Variants in KIF1C observed in about 807,000 individuals in gnomAD.
The protein encoded by KIF1C is kinesin-like protein KIF1C.
Under a neutral mutation model 126.5 loss-of-function variants are expected in KIF1C, and 61 were observed. That is an observed-to-expected ratio of 0.48 (90% confidence interval 0.39 to 0.60). The LOEUF (loss-of-function observed/expected upper bound fraction) is 0.60, where lower values mean the gene tolerates loss of function less well. Ranked by LOEUF, KIF1C falls within the 20% of genes least tolerant of loss-of-function variation. KIF1C has a pLI of 0.00. For synonymous variants in KIF1C, 640 were observed against 580.6 expected (o/e 1.10, Z -1.47); for missense variants, 1,315 against 1,489.2 (o/e 0.88, Z 1.93).
chr17:5,002,754 A>C lies in KIF1C; in HGVS notation c.632A>C (p.Asn211Thr). The C allele has an allele frequency of 1.2e-6, 2 of 1,614,010 alleles. No individual in the cohort carries two copies. The highest frequency in any genetic ancestry group is 1.7e-6 in the Non-Finnish European group (2 of 1,179,986). The stretch of plus-strand genomic sequence containing the variant: ...AGGACTGTGGCTGCCACCAACATGA[A>C]TGAGACCAGCAGCCGTTCCCATGCC... ...KARTVAATNM[N>T]ETSSRSHAVF... Residue 211 changes from asparagine (N) to threonine (T), a missense_variant, in exon 8 of 23, where the codon AAT becomes ACT. This residue lies in a region of KIF1C where 874 missense variants were observed against 1,053.2 expected (regional missense o/e 0.83). Coordinates refer to ENST00000320785, the MANE Select transcript of KIF1C (RefSeq NM_006612.6).
intron 13 of KIF1C, among the ~76,000 whole-genome samples, chr17:5,006,159 A>T (rs909627007): frequency 6.0e-5 from 9 of 149,468 alleles, no homozygotes; most frequent in African/African-American, 2.2e-4. Context: ...GTGAGCCAAG[A>T]TGGAGCCATT....
At chr17:5,012,042 C>T (rs964708325) in intron 16 of KIF1C, 1 of 152,210 alleles carries the variant, frequency 6.6e-6, no homozygotes, top group Non-Finnish European at 1.5e-5. Flanking sequence ...AATGAATAAA[C>T]GAACTTAAAC....
At chr17:5,012,838 C>T (rs1974895572) in intron 16 of KIF1C, among the ~76,000 whole-genome samples, 2 of 152,102 alleles carry the variant, frequency 1.3e-5, no homozygotes, top group South Asian at 4.1e-4. Flanking sequence ...CCAGCAAGGG[C>T]AGGGCTGTTA....
chr17:5,007,798 G>A (rs890697641), intron 16 of KIF1C, among the ~76,000 whole-genome samples: 1 of 152,312 alleles, frequency 6.6e-6, no homozygotes, highest in Non-Finnish European at 1.5e-5. Context: ...GGTTGCAATA[G>A]AGCATGCTTT....
intron 13 of KIF1C, 145 bp downstream of exon 13, chr17:5,005,145 G>T (rs1974697961): frequency 2.0e-6 from 2 of 989,030 alleles, no homozygotes; most frequent in African/African-American, 3.2e-5. Flanking sequence ...CACAGATGTG[G>T]AGAGGGAACG....
chr17:5,016,052 T>C (rs962030607), intron 18 of KIF1C, among the ~76,000 whole-genome samples: 1 of 151,980 alleles, frequency 6.6e-6, no homozygotes, highest in Admixed American at 6.6e-5. Flanking sequence ...AGCTTGGACC[T>C]GGTGTGTGTG....
intron 1 of KIF1C, among the ~76,000 whole-genome samples, chr17:4,999,427 T>C (rs550599729): frequency 5.9e-5 from 9 of 152,306 alleles, no homozygotes; most frequent in African/African-American, 2.2e-4. Context: ...TAACACCGTG[T>C]GTTTGCTGTG....
At chr17:5,006,891 CTT>C in intron 13 of KIF1C, 22 bp from the exon 14 acceptor site, 2 of 1,611,442 alleles carry the variant, frequency 1.2e-6, no homozygotes, top group Non-Finnish European at 1.7e-6. Flanking sequence ...TAGCCTCATT[CTT>C]TTTCCTCTTT....
At chr17:5,004,833 A>G in intron 12 of KIF1C, 22 bp from the exon 13 acceptor site, 1 of 1,614,030 alleles carries the variant, frequency 6.2e-7, no homozygotes, top group Non-Finnish European at 8.5e-7. Flanking sequence ...GGCCTCACCG[A>G]CCCTGCTCCT....
intron 16 of KIF1C, among the ~76,000 whole-genome samples, chr17:5,010,393 G>A (rs1218715145): frequency 6.6e-6 from 1 of 152,114 alleles, no homozygotes; most frequent in East Asian, 1.9e-4. Flanking sequence ...CTTACAAATG[G>A]GTGTTATCTG....
At chr17:5,015,582 C>CTTTTTTTTTTTTTTTTTTTT (rs58961639) in intron 18 of KIF1C, among the ~76,000 whole-genome samples, 1 of 71,248 alleles carries the variant, frequency 1.4e-5, no homozygotes, top group East Asian at 4.6e-4. Context: ...CTGCCCCCAG[C>CTTTTTTTTTTTTTTTTTTTT]TTTTTTTTTT....
At chr17:5,019,619 G>C (rs965089213) in intron 18 of KIF1C, 1 of 239,586 alleles carries the variant, frequency 4.2e-6, no homozygotes, top group Non-Finnish European at 8.9e-6. Flanking sequence ...CCCCACCAGG[G>C]ATAATGTCAG....
intron 16 of KIF1C, chr17:5,011,784 G>C (rs1054959585): frequency 6.6e-6 from 1 of 152,180 alleles, no homozygotes; most frequent in Non-Finnish European, 1.5e-5. Context: ...AGAAATAGAG[G>C]TTCGACTCCG....
Position 5,004,987 on chromosome 17 carries a change from C to G in KIF1C, c.1152C>G (p.Ala384=), listed in dbSNP as rs757618593. The change falls in exon 13 of 23, where the codon GCC becomes GCG. Residue 384 remains alanine (A), a synonymous_variant. Transcript: ENST00000320785. ...RELLMAQGLS[A]SALEGLKTEE... is the part of the protein sequence containing the mutation. Reference sequence around the variant, plus strand: ...TGCTGATGGCTCAGGGACTGTCAGCCTCTGCTCTGGAAGGTCGAGGTTCCA... The same window carrying G: ...TGCTGATGGCTCAGGGACTGTCAGCGTCTGCTCTGGAAGGTCGAGGTTCCA... 47 of 1,614,100 alleles carry G rather than the reference C, an allele frequency of 2.9e-5. No homozygotes were observed. Among genetic ancestry groups the G allele is most frequent in the Non-Finnish European group, 3.8e-5 (45 of 1,180,044 alleles).
At position 5,022,580 on chromosome 17, in the gene KIF1C, C is replaced by T; in HGVS notation, c.2499C>T (p.Leu833=). ...EGARGAEVED[L]RAHIDKLTGI... ...CCCGAGGGGCGGAGGTGGAGGACCTCCGGGCCCACATCGACAAGCTGACGG... is the reference window on the plus strand; with the variant it reads ...CCCGAGGGGCGGAGGTGGAGGACCTTCGGGCCCACATCGACAAGCTGACGG... Residue 833 remains leucine (L), a synonymous_variant, in exon 22 of 23, where the codon CTC becomes CTT. Coordinates refer to ENST00000320785, the MANE Select transcript of KIF1C (RefSeq NM_006612.6). The surrounding 1 kb of genome is among the most constrained non-coding windows in gnomAD (Gnocchi z 4.9). 6.3e-7 allele frequency: 1 copy of T among 1,599,816 alleles called. No homozygotes were observed. The highest frequency in any genetic ancestry group is 8.5e-7 in the Non-Finnish European group (1 of 1,173,072).
At position 5,020,591 on chromosome 17, in the gene KIF1C, C is replaced by T. The variant is rs1487454027; in HGVS notation, c.1850C>T (p.Pro617Leu). ...RERGVPPPPG[P>L]PSEPVDWNFA... ...CGAGGGGTCCCCCCACCCCCAGGAC[C>T]GCCCTCTGAGCCAGTCGACTGGAAC... The change falls in exon 20 of 23, where the codon CCG (proline) becomes CTG (leucine). Residue 617 changes from proline to leucine, a missense_variant. By Grantham distance (98) the Pro-to-Leu change is moderately conservative. Coordinates refer to ENST00000320785, the MANE Select transcript of KIF1C (RefSeq NM_006612.6). This position sits in a 1 kb window ranked among gnomAD's most constrained non-coding sequence, Gnocchi z 5.8. 1.5e-5 allele frequency: 24 copies of T among 1,614,236 alleles called. No homozygotes were observed. Among genetic ancestry groups the T allele is most frequent in the African/African-American group, 6.7e-5 (5 of 75,078 alleles).
chr17:5,015,608 T>TTTA (rs1974956015), intron 18 of KIF1C, among the ~76,000 whole-genome samples: 1 of 140,708 alleles, frequency 7.1e-6, no homozygotes, highest in Non-Finnish European at 1.5e-5. Context: ...TTTTTTTTTT[T>TTTA]ATCATTTGAG....
In KIF1C at chr17:5,020,966, G is replaced by A; in HGVS notation, c.2010+88G>A. ...GTGCAGTGCTCACCGCTGAGCCAGA[G>A]TGGGAAATGGGCATGGGGGTAAGGG... On this transcript the variant is annotated intron_variant, in intron 21 of 22. Coordinates refer to ENST00000320785, the MANE Select transcript of KIF1C (RefSeq NM_006612.6). This position sits in a 1 kb window ranked among gnomAD's most constrained non-coding sequence, Gnocchi z 5.8. 3 of 1,194,356 alleles carry A rather than the reference G, an allele frequency of 2.5e-6. No homozygotes were observed. The South Asian group carries it at 3.9e-5, about 16-fold the overall frequency. The allele number at this position is 1,194,356 out of a possible 1,614,324, so 74.0% of individuals were successfully genotyped here. A position where few individuals can be genotyped will look rare whatever the true frequency, so the allele number is the denominator to read the frequency against.
chr17:5,012,778 T>G (rs1974893756), intron 16 of KIF1C, among the ~76,000 whole-genome samples: 1 of 152,114 alleles, frequency 6.6e-6, no homozygotes, highest in South Asian at 2.1e-4. Flanking sequence ...AGCAGTGGCA[T>G]GAATGGGGGT....
Sources: allele counts gnomAD v4.1 joint callset (sites outside exome capture counted in the v4.1 genomes callset), GRCh38; gene constraint gnomAD v4.1.1; regional missense constraint gnomAD v4.1.1; non-coding constraint Gnocchi (gnomAD v3.1); transcripts MANE v1.5; gene names NCBI Gene and HGNC (gene_info 2026-07-23, HGNC 2026-07-21).